SGTB: variants seen among roughly 807,000 people sequenced by gnomAD.
SGTB encodes small glutamine rich tetratricopeptide repeat co-chaperone beta.
Under a neutral mutation model 43.9 loss-of-function variants are expected in SGTB, and 19 were observed. That is an observed-to-expected ratio of 0.43 (90% CI 0.30 to 0.63). The LOEUF (loss-of-function observed/expected upper bound fraction) is 0.63, where lower values mean the gene tolerates loss of function less well. Among genes scored for constraint, SGTB ranks in the 30% least tolerant of loss-of-function variants. The probability of loss-of-function intolerance (pLI) is 0.12; values close to 1 mark genes in which losing one functional copy is unlikely to be tolerated. For missense variants in SGTB, 304 were observed against 358.9 expected, an observed-to-expected ratio of 0.85 and a Z score of 1.24; for synonymous variants, 116 against 117.3, an observed-to-expected ratio of 0.99 and a Z score of 0.07.
At chr5:65,700,727 T>A (rs1318518753) in intron 5 of SGTB, among the ~76,000 whole-genome samples, 1 of 144,442 alleles carries the variant, frequency 6.9e-6, no homozygotes, top group Non-Finnish European at 1.5e-5. Flanking sequence ...AGAAGAATCA[T>A]GGCTGGGCGT....
At chr5:65,673,046 G>T (rs937567691) in intron 8 of SGTB, among the ~76,000 whole-genome samples, 1 of 152,140 alleles carries the variant, frequency 6.6e-6, no homozygotes, top group Non-Finnish European at 1.5e-5. Context: ...GCTGTGTTTT[G>T]CAATCCCTTT....
intron 2 of SGTB, among the ~76,000 whole-genome samples, chr5:65,718,896 T>C (rs1758201625): frequency 6.6e-6 from 1 of 152,234 alleles, no homozygotes; most frequent in Admixed American, 6.5e-5. Flanking sequence ...CTTAAAACTT[T>C]TATGCTGCTT....
chr5:65,687,202 C>G (rs1240080340), intron 5 of SGTB, among the ~76,000 whole-genome samples: 2 of 152,188 alleles, frequency 1.3e-5, no homozygotes, highest in Admixed American at 6.5e-5. Flanking sequence ...AAATTCCCAT[C>G]ATAGCCTGGT....
chr5:65,689,354 ACACTTGCTATAT>A (rs1286965089), intron 5 of SGTB, among the ~76,000 whole-genome samples: 2 of 152,224 alleles, frequency 1.3e-5, no homozygotes, highest in African/African-American at 2.4e-5. Context: ...TGATTTGTTA[ACACTTGCTATAT>A]CACATCTACC....
chr5:65,722,657 C>A, upstream of SGTB: 1 of 512,894 alleles, frequency 1.9e-6, no homozygotes, highest in South Asian at 2.4e-5. Context: ...CTGCCTCAGC[C>A]GCAGTCAGCG....
At position 65,666,404 on chromosome 5, in the gene SGTB, A is replaced by C. The variant is rs962027303; in HGVS notation, c.*3842T>G. ...TACATTAAATGAAAATGTCATTTGC[A>C]TATATAGAACCTGTTCTGTTTTACA... On this transcript the variant is annotated 3_prime_UTR_variant, in exon 11 of 11. Coordinates refer to ENST00000381007, the MANE Select transcript of SGTB (RefSeq NM_019072.3). 5 of 151,398 alleles carry C rather than the reference A, an allele frequency of 3.3e-5. No homozygotes were observed. Among genetic ancestry groups the C allele is most frequent in the African/African-American group, 1.2e-4 (5 of 40,678 alleles). The allele number at this position is 151,398 out of a possible 1,614,324, so 9.4% of individuals were successfully genotyped here.
chr5:65,690,911 A>G (rs1757594332), intron 5 of SGTB, among the ~76,000 whole-genome samples: 1 of 152,246 alleles, frequency 6.6e-6, no homozygotes, highest in Admixed American at 6.5e-5. Flanking sequence ...TGAGCACAGT[A>G]TTCTCAGTAT....
intron 5 of SGTB, among the ~76,000 whole-genome samples, chr5:65,702,447 C>A (rs1364561090): frequency 1.3e-5 from 2 of 152,166 alleles, no homozygotes; most frequent in African/African-American, 4.8e-5. Context: ...ATGGCTGAAC[C>A]CATACAAAAG....
chr5:65,687,321 G>A (rs1215767881), intron 5 of SGTB, among the ~76,000 whole-genome samples: 1 of 152,184 alleles, frequency 6.6e-6, no homozygotes, highest in Non-Finnish European at 1.5e-5. Flanking sequence ...TGTATAAGGA[G>A]CACAACCTTC....
intron 3 of SGTB, among the ~76,000 whole-genome samples, chr5:65,708,796 T>G (rs1376576268): frequency 1.3e-5 from 2 of 152,164 alleles, no homozygotes; most frequent in Non-Finnish European, 2.9e-5. Flanking sequence ...ATCCCAGCAC[T>G]TTGGGAGATC....
At chr5:65,680,920 C>T (rs1312642972) in intron 6 of SGTB, 126 bp from the exon 7 acceptor site, 1 of 1,084,930 alleles carries the variant, frequency 9.2e-7, no homozygotes, top group Non-Finnish European at 1.3e-6. Flanking sequence ...AATTTATTCA[C>T]TGTACTATGG....
chr5:65,722,319 G>A (rs927735923), upstream of SGTB: 28 of 1,462,648 alleles, frequency 1.9e-5, no homozygotes, highest in Middle Eastern at 2.1e-4. Flanking sequence ...CGCCCGCCTC[G>A]CCGCCCCACG....
intron 3 of SGTB, among the ~76,000 whole-genome samples, chr5:65,709,382 GTTT>G (rs547273264): frequency 1.4e-5 from 2 of 141,572 alleles, no homozygotes; most frequent in African/African-American, 2.6e-5. Flanking sequence ...ATATTGTCCA[GTTT>G]TTTTTTTTTT....
chr5:65,667,791 C>G lies in SGTB; in HGVS notation c.*2455G>C, dbSNP rs1462352574. 1 of 152,074 alleles carries G rather than the reference C, an allele frequency of 6.6e-6. No homozygotes were observed. Among genetic ancestry groups the G allele is most frequent in the African/African-American group, 2.4e-5 (1 of 41,390 alleles). The allele number at this position is 152,074 out of a possible 1,614,324, so 9.4% of individuals were successfully genotyped here. A position where few individuals can be genotyped will look rare whatever the true frequency, so the allele number is the denominator to read the frequency against. ...GGCCTTATTACAGGACCTACTGTATCAGAATTGAACACGTGGCCCTGAATC... is the reference window on the plus strand; with the variant it reads ...GGCCTTATTACAGGACCTACTGTATGAGAATTGAACACGTGGCCCTGAATC... On this transcript the variant is annotated 3_prime_UTR_variant, in exon 11 of 11. Transcript: ENST00000381007.
rs751669502 is a variant in SGTB at position 65,680,505 on chromosome 5, A to T, written c.670T>A (p.Phe224Ile). The change falls in exon 8 of 11, where the codon TTC becomes ATC. Residue 224 changes from phenylalanine (F) to isoleucine (I), a missense_variant. Coordinates refer to ENST00000381007, the MANE Select transcript of SGTB (RefSeq NM_019072.3). ...GAAAGTATACTCACCATACTAATGA[A>T]GGCTGGATTATTTATCAAGCTAGCC... ...DMASLINNPA[F>I]ISMAASLMQN... 1 of 1,614,080 alleles carries T rather than the reference A, an allele frequency of 6.2e-7. No homozygotes were observed. Among genetic ancestry groups the T allele is most frequent in the South Asian group, 1.1e-5 (1 of 91,080 alleles).
chr5:65,722,291 C>T (rs2087776197), upstream of SGTB: 1 of 1,141,990 alleles, frequency 8.8e-7, no homozygotes, highest in Non-Finnish European at 1.2e-6. Flanking sequence ...TCGAGACTCC[C>T]GGGCGCCCAG....
At chr5:65,671,173 T>A (rs1295749486) in intron 10 of SGTB, among the ~76,000 whole-genome samples, 1 of 152,218 alleles carries the variant, frequency 6.6e-6, no homozygotes. Context: ...CCTTCATCTG[T>A]GTCCCTGAGT....
chr5:65,705,275 T>C (rs903346969), intron 4 of SGTB, among the ~76,000 whole-genome samples: 16 of 145,182 alleles, frequency 1.1e-4, no homozygotes, highest in Non-Finnish European at 2.0e-4. Flanking sequence ...GGACCCCCCC[T>C]CATCTCAACA....
At chr5:65,687,398 A>G (rs1425982030) in intron 5 of SGTB, among the ~76,000 whole-genome samples, 2 of 152,232 alleles carry the variant, frequency 1.3e-5, no homozygotes, top group Non-Finnish European at 1.5e-5. Context: ...ACCAACCTTG[A>G]AAAGTTTATA....
Sources: gnomAD v4.1 joint callset for allele counts (sites outside exome capture counted in the v4.1 genomes callset) on GRCh38, gnomAD v4.1.1 for gene constraint, MANE v1.5 for transcripts, NCBI Gene and HGNC (gene_info 2026-07-23, HGNC 2026-07-21) for gene names.